CADM2: variants seen among roughly 807,000 people sequenced by gnomAD.
CADM2 encodes cell adhesion molecule 2, also known as immunoglobulin superfamily member 4D.
CADM2 carries 12 observed loss-of-function variants against 49.8 expected under a neutral mutation model. The ratio of observed to expected loss-of-function variants is 0.24; its 90% CI spans 0.15 to 0.39. The LOEUF is 0.39. CADM2 is among the 10% of genes least tolerant of loss of function. CADM2 has a pLI of 1.00. For missense variants in CADM2, 378 were observed against 492.3 expected, an observed-to-expected ratio of 0.77 and a Z score of 2.20; for synonymous variants, 214 against 175.4, an observed-to-expected ratio of 1.22 and a Z score of -1.74.
At chr3:85,656,661 T>A (rs1365637179) in intron 1 of CADM2, among the ~76,000 whole-genome samples, 1 of 152,112 alleles carries the variant, frequency 6.6e-6, no homozygotes, top group Non-Finnish European at 1.5e-5. Context: ...AGTAAATAAA[T>A]TTAAGAAAAA....
chr3:85,039,436 C>A (rs922868035), intron 1 of CADM2, among the ~76,000 whole-genome samples: 3 of 151,412 alleles, frequency 2.0e-5, no homozygotes, highest in Admixed American at 6.6e-5. Flanking sequence ...TTCCTTCTTA[C>A]AATTCACCCT....
rs977047290 is a variant in CADM2, at chr3:85,909,373, C to T, written c.530-3000C>T. Among the ~76,000 whole-genome samples, 3 of 146,978 alleles carry T rather than the reference C, an allele frequency of 2.0e-5. No individual in the cohort carries two copies. The Admixed American group carries it at 2.1e-4, about 10-fold the overall frequency. ...TTAACACATTATGTAATATATAGGA[C>T]GTGCATATTTTGAAAAATGTAAAAT... On this transcript the variant is annotated intron_variant, in intron 5 of 9. Transcript: ENST00000383699.
chr3:85,908,818 G>C (rs986830442), intron 5 of CADM2, among the ~76,000 whole-genome samples: 5 of 151,502 alleles, frequency 3.3e-5, no homozygotes, highest in Non-Finnish European at 7.4e-5. Context: ...TCCACTTCCC[G>C]GGTTCAAGCG....
intron 1 of CADM2, among the ~76,000 whole-genome samples, chr3:85,466,663 T>A (rs972883295): frequency 5.9e-5 from 9 of 152,160 alleles, no homozygotes; most frequent in Admixed American, 5.2e-4. Context: ...GGAAGACATA[T>A]TTAGGCAAAG....
rs72905205 is a variant in CADM2, at chr3:85,088,315, C to G, written c.61+128647C>G. Among the ~76,000 whole-genome samples the G allele has an allele frequency of 9.8e-3, 1,489 of 152,210 alleles. 25 individuals are homozygous for G. The highest frequency in any genetic ancestry group is 0.033 in the African/African-American group (1,364 of 41,554). On this transcript the variant is annotated intron_variant, in intron 1 of 9. Coordinates refer to ENST00000383699, the MANE Select transcript of CADM2 (RefSeq NM_001167675.2). ...ACACCTTTGGAAACCTTTTATAGTA[C>G]AATCCTTTAGAACACCAACTGTACA...
chr3:85,405,694 C>T (rs943638620), intron 1 of CADM2, among the ~76,000 whole-genome samples: 12 of 151,924 alleles, frequency 7.9e-5, no homozygotes, highest in African/African-American at 2.9e-4. Flanking sequence ...TTCTTAAAAG[C>T]TCCTAGTTTT....
intron 1 of CADM2, among the ~76,000 whole-genome samples, chr3:85,361,407 G>A (rs1259433723): frequency 1.3e-5 from 2 of 152,066 alleles, no homozygotes; most frequent in Non-Finnish European, 1.5e-5. Flanking sequence ...AAACTCAGGG[G>A]CTGCCTTAGC....
intron 5 of CADM2, among the ~76,000 whole-genome samples, chr3:85,901,378 T>C (rs1284857992): frequency 1.5e-4 from 23 of 152,186 alleles, no homozygotes. Flanking sequence ...CATTATGTTA[T>C]AGTATAGATT....
At chr3:85,442,804 T>G (rs1032115386) in intron 1 of CADM2, among the ~76,000 whole-genome samples, 15 of 151,334 alleles carry the variant, frequency 9.9e-5, no homozygotes, top group Admixed American at 4.6e-4. Context: ...TGAAGAGAAC[T>G]TCCAATGAGA....
chr3:85,375,429 T>C (rs1011968154), intron 1 of CADM2, among the ~76,000 whole-genome samples: 12 of 152,194 alleles, frequency 7.9e-5, no homozygotes, highest in African/African-American at 2.7e-4. Context: ...CCTGACTGTA[T>C]CAATGCTTCT....
intron 1 of CADM2, among the ~76,000 whole-genome samples, chr3:85,510,786 A>G (rs969565162): frequency 8.5e-5 from 13 of 152,168 alleles, no homozygotes; most frequent in African/African-American, 3.1e-4. Flanking sequence ...TTTTATAAAA[A>G]CAATTGAGTT....
chr3:85,346,446 AT>A (rs2030656739), intron 1 of CADM2, among the ~76,000 whole-genome samples: 1 of 152,218 alleles, frequency 6.6e-6, no homozygotes, highest in Non-Finnish European at 1.5e-5. Context: ...TTTCAAAAAA[AT>A]CTTTAATAGC....
intron 1 of CADM2, among the ~76,000 whole-genome samples, chr3:84,995,124 G>A (rs2033108953): frequency 6.6e-6 from 1 of 152,134 alleles, no homozygotes; most frequent in South Asian, 2.1e-4. Flanking sequence ...TAAATGAAGA[G>A]TGCAAATAAC....
At chr3:85,142,992 A>T (rs2107631370) in intron 1 of CADM2, among the ~76,000 whole-genome samples, 1 of 152,338 alleles carries the variant, frequency 6.6e-6, no homozygotes, top group African/African-American at 2.4e-5. Flanking sequence ...GATATATTGC[A>T]AATTTTCTTA....
intron 1 of CADM2, among the ~76,000 whole-genome samples, chr3:85,545,946 G>T (rs2107080375): frequency 6.6e-6 from 1 of 152,266 alleles, no homozygotes; most frequent in Non-Finnish European, 1.5e-5. Flanking sequence ...TCCATCAAAT[G>T]AATTTCTTTC....
At chr3:85,955,618 T>A (rs1723960093) in intron 7 of CADM2, among the ~76,000 whole-genome samples, 1 of 151,470 alleles carries the variant, frequency 6.6e-6, no homozygotes, top group African/African-American at 2.4e-5. Context: ...ACAGAATAAA[T>A]GCCCCAAATA....
At chr3:85,249,386 A>T (rs183710571) in intron 1 of CADM2, among the ~76,000 whole-genome samples, 1 of 151,936 alleles carries the variant, frequency 6.6e-6, no homozygotes, top group Non-Finnish European at 1.5e-5. Context: ...CCTTTTTTCA[A>T]AGTAGCTAGT....
intron 1 of CADM2, among the ~76,000 whole-genome samples, chr3:85,070,733 C>T (rs1173143644): frequency 2.0e-5 from 3 of 152,042 alleles, no homozygotes; most frequent in Non-Finnish European, 4.4e-5. Flanking sequence ...TGGATCACGC[C>T]TGTAATTACA....
At chr3:85,344,846 GAA>G (rs753171504) in intron 1 of CADM2, among the ~76,000 whole-genome samples, 1 of 152,010 alleles carries the variant, frequency 6.6e-6, no homozygotes, top group Non-Finnish European at 1.5e-5. Flanking sequence ...TTTCAGATAA[GAA>G]AGCCATAATT....
Sources: allele counts gnomAD v4.1 joint callset (sites outside exome capture counted in the v4.1 genomes callset), GRCh38; gene constraint gnomAD v4.1.1; transcripts MANE v1.5; gene names NCBI Gene and HGNC (gene_info 2026-07-23, HGNC 2026-07-21).